The following GRIP1 variants were observed in gnomAD, a reference collection of about 807,000 sequenced individuals.
The protein encoded by GRIP1 is glutamate receptor-interacting protein 1.
Under a neutral mutation model 129.9 loss-of-function variants are expected in GRIP1, and 45 were observed. The observed-to-expected ratio is 0.35, with a 90% CI of 0.27 to 0.44. GRIP1 has a LOEUF of 0.44. Among genes scored for constraint, GRIP1 ranks in the 20% least tolerant of loss-of-function variants. The pLI is 1.00. For synonymous variants in GRIP1, 530 were observed against 520.8 expected, an observed-to-expected ratio of 1.02 and a Z score of -0.24; for missense variants, 1,196 against 1,396.8, an observed-to-expected ratio of 0.86 and a Z score of 2.29.
chr12:66,910,228 C>T lies in GRIP1; in HGVS notation c.58+158822G>A, dbSNP rs138544454. ...GTCTTTCTGGCCAGTTTAATGACTACTTCATCACTAGCCTTTCTCCCCAGT... is the reference window on the plus strand; with the variant it reads ...GTCTTTCTGGCCAGTTTAATGACTATTTCATCACTAGCCTTTCTCCCCAGT... On this transcript the variant is annotated intron_variant, in intron 1 of 1. Coordinates refer to the GRIP1 transcript ENST00000643019. 4.6e-3 allele frequency among the ~76,000 whole-genome samples: 706 copies of T among 152,308 alleles called. 7 individuals are homozygous for T. The highest frequency in any genetic ancestry group is 0.016 in the African/African-American group (667 of 41,562).
intron 1 of GRIP1, among the ~76,000 whole-genome samples, chr12:66,816,467 A>T (rs2039220860): frequency 6.6e-6 from 1 of 152,180 alleles, no homozygotes. Flanking sequence ...TCTTCTCACA[A>T]CAACCTAGTA....
chr12:66,787,389 T>C (rs534932706), intron 1 of GRIP1, among the ~76,000 whole-genome samples: 4 of 152,320 alleles, frequency 2.6e-5, no homozygotes, highest in South Asian at 4.1e-4. Flanking sequence ...TCTTCCCATT[T>C]CTGCCATCAA....
rs977210540 is a variant in GRIP1, at chr12:66,457,007, T to C, written c.1043-665A>G. Among the ~76,000 whole-genome samples, 6 of 152,188 alleles carry C rather than the reference T, an allele frequency of 3.9e-5. 2 individuals are homozygous for C. In the South Asian group the frequency reaches 1.2e-3, roughly 32 times the overall value. ...TGAAAAAGCATATTTACATTAGAAA[T>C]AATTATTAAAATATTTCACGTTTTT... On this transcript the variant is annotated intron_variant, in intron 9 of 24. Coordinates refer to ENST00000359742, the MANE Select transcript of GRIP1 (RefSeq NM_001366722.1).
At chr12:66,931,480 G>A (rs748129081) in intron 1 of GRIP1, among the ~76,000 whole-genome samples, 3 of 152,054 alleles carry the variant, frequency 2.0e-5, no homozygotes, top group Non-Finnish European at 2.9e-5. Context: ...TGAGGAAGAC[G>A]GACAGAGAAA....
At chr12:66,757,396 T>C (rs1427062147) in intron 1 of GRIP1, among the ~76,000 whole-genome samples, 2 of 152,178 alleles carry the variant, frequency 1.3e-5, no homozygotes, top group Admixed American at 6.5e-5. Context: ...ATCCATGTTA[T>C]TGCAAATAAT....
chr12:66,690,907 T>G (rs546298398), intron 1 of GRIP1, among the ~76,000 whole-genome samples: 1 of 151,658 alleles, frequency 6.6e-6, no homozygotes, highest in African/African-American at 2.4e-5. Flanking sequence ...CAGTCCAGCC[T>G]GGGCAATAGA....
chr12:66,677,423 C>G (rs944926328), intron 1 of GRIP1, among the ~76,000 whole-genome samples: 2 of 152,054 alleles, frequency 1.3e-5, no homozygotes, highest in African/African-American at 4.8e-5. Flanking sequence ...TAAGTAAATG[C>G]CAAAATCAGG....
chr12:66,888,231 C>CA, intron 1 of GRIP1, among the ~76,000 whole-genome samples: 1 of 3,638 alleles, frequency 2.7e-4, no homozygotes, highest in Admixed American at 2.7e-3. Context: ...AATTTTTTTT[C>CA]ATTTTTTTTT....
At chr12:67,008,290 A>C (rs12812439) in intron 1 of GRIP1, among the ~76,000 whole-genome samples, 18,152 of 152,190 alleles carry the variant, frequency 0.12, 1,163 homozygotes, top group Admixed American at 0.16. Flanking sequence ...GAAAGAAAAT[A>C]TGCAGAAATA....
intron 1 of GRIP1, among the ~76,000 whole-genome samples, chr12:66,814,154 A>C (rs1371621266): frequency 2.6e-4 from 39 of 151,868 alleles, no homozygotes; most frequent in Non-Finnish European, 1.5e-5. Context: ...AAATCTATGA[A>C]TTTTATTTTA....
chr12:66,881,429 A>T (rs183485882), intron 1 of GRIP1, among the ~76,000 whole-genome samples: 4 of 152,316 alleles, frequency 2.6e-5, no homozygotes. Context: ...TAAAAATTAC[A>T]TGCACATATA....
At chr12:66,770,270 AGTCCTT>A (rs2037775683) in intron 1 of GRIP1, among the ~76,000 whole-genome samples, 1 of 152,256 alleles carries the variant, frequency 6.6e-6, no homozygotes, top group South Asian at 2.1e-4. Context: ...TATCAAAAGC[AGTCCTT>A]TAGGACTGTC....
chr12:66,874,645 G>A (rs1333127417), intron 1 of GRIP1, among the ~76,000 whole-genome samples: 2 of 152,090 alleles, frequency 1.3e-5, no homozygotes, highest in Non-Finnish European at 2.9e-5. Flanking sequence ...AGAAGGAAGA[G>A]AGAGAGAGAC....
intron 1 of GRIP1, among the ~76,000 whole-genome samples, chr12:66,675,375 G>A (rs928903185): frequency 6.6e-6 from 1 of 152,110 alleles, no homozygotes; most frequent in Admixed American, 6.6e-5. Flanking sequence ...GGCAGCACCT[G>A]AGCAAGCAGC....
chr12:66,711,742 T>C (rs1005405034), intron 1 of GRIP1, among the ~76,000 whole-genome samples: 1 of 151,856 alleles, frequency 6.6e-6, no homozygotes, highest in Non-Finnish European at 1.5e-5. Flanking sequence ...CAATATTCTT[T>C]AGGGACTCAA....
At chr12:66,965,481 A>G (rs867481462) in intron 1 of GRIP1, among the ~76,000 whole-genome samples, 2 of 151,592 alleles carry the variant, frequency 1.3e-5, no homozygotes, top group African/African-American at 4.9e-5. Flanking sequence ...AAAAGGAGGT[A>G]TCTATGAGGG....
chr12:67,040,159 T>C (rs2043154459), intron 1 of GRIP1, among the ~76,000 whole-genome samples: 1 of 152,100 alleles, frequency 6.6e-6, no homozygotes, highest in Non-Finnish European at 1.5e-5. Context: ...GGTTATTAGC[T>C]GAGTTCCAGA....
At chr12:66,515,827 T>C (rs1239860203) in intron 6 of GRIP1, 63 bp from the exon 7 acceptor site, 3 of 1,396,288 alleles carry the variant, frequency 2.1e-6, no homozygotes, top group Non-Finnish European at 3.1e-6. Flanking sequence ...GTATTAATAG[T>C]CACTTTAGCC....
At chr12:66,590,421 G>T (rs1261974719) in intron 2 of GRIP1, among the ~76,000 whole-genome samples, 2 of 152,092 alleles carry the variant, frequency 1.3e-5, no homozygotes, top group Non-Finnish European at 2.9e-5. Context: ...CAAGGTGCTG[G>T]TTTTGCCTTG....
Sources: allele counts gnomAD v4.1 joint callset (sites outside exome capture counted in the v4.1 genomes callset), GRCh38; gene constraint gnomAD v4.1.1; transcripts MANE v1.5; gene names NCBI Gene and HGNC (gene_info 2026-07-23, HGNC 2026-07-21).